The following PPFIA2 variants were observed in gnomAD, a reference collection of about 807,000 sequenced individuals.
PPFIA2 encodes PPFI scaffold protein A2, also known as liprin-alpha-2.
In PPFIA2, 46 loss-of-function variants were observed where a neutral mutation model predicts 175.5. The observed-to-expected ratio is 0.26, with a 90% confidence interval of 0.21 to 0.34. The LOEUF is 0.34. PPFIA2 is among the 10% of genes least tolerant of loss of function. PPFIA2 has a pLI of 1.00. For missense variants in PPFIA2, 1,179 were observed against 1,506.1 expected (o/e 0.78, Z 3.60); for synonymous variants, 568 against 511.4 (o/e 1.11, Z -1.49).
chr12:81,392,360 G>T (rs2142288878), intron 8 of PPFIA2, among the ~76,000 whole-genome samples: 1 of 151,904 alleles, frequency 6.6e-6, no homozygotes, highest in South Asian at 2.1e-4. Context: ...AACAATGTTT[G>T]AAATGACTAA....
At position 81,344,702 on chromosome 12, in the gene PPFIA2, G is replaced by T; in HGVS notation, c.2233-9C>A. ...TTCCTCAGATCACTTGGCTGTGATT[G>T]GCAGTAATAAAAACATAAAACACAA... On this transcript the variant is annotated splice_polypyrimidine_tract_variant and intron_variant, in intron 18 of 32. Coordinates refer to ENST00000549396, the MANE Select transcript of PPFIA2 (RefSeq NM_003625.5). 6.5e-7 allele frequency: 1 copy of T among 1,544,640 alleles called. No homozygotes were observed. Among genetic ancestry groups the T allele is most frequent in the Non-Finnish European group, 8.8e-7 (1 of 1,137,996 alleles).
At chr12:81,573,878 C>T (rs897483460) in intron 4 of PPFIA2, among the ~76,000 whole-genome samples, 1 of 151,848 alleles carries the variant, frequency 6.6e-6, no homozygotes, top group African/African-American at 2.4e-5. Flanking sequence ...TTCTTTGTAA[C>T]CTAAAAACAG....
intron 7 of PPFIA2, among the ~76,000 whole-genome samples, chr12:81,435,483 T>C (rs1014762050): frequency 6.6e-6 from 1 of 151,810 alleles, no homozygotes; most frequent in African/African-American, 2.4e-5. Context: ...GAGCGATCAA[T>C]GAAAGAGATT....
At chr12:81,349,192 T>C (rs1037878893) in intron 17 of PPFIA2, among the ~76,000 whole-genome samples, 1 of 152,196 alleles carries the variant, frequency 6.6e-6, no homozygotes, top group Non-Finnish European at 1.5e-5. Flanking sequence ...CTTTCAGTTT[T>C]TAAGTAGTAT....
intron 9 of PPFIA2, among the ~76,000 whole-genome samples, chr12:81,380,356 T>C (rs139171135): frequency 1.3e-5 from 2 of 152,210 alleles, no homozygotes; most frequent in African/African-American, 4.8e-5. Context: ...AGAGCAAGAC[T>C]CTTTCTCTAA....
chr12:81,424,559 TCTG>T (rs2046823218), intron 7 of PPFIA2, among the ~76,000 whole-genome samples: 1 of 152,160 alleles, frequency 6.6e-6, no homozygotes, highest in Non-Finnish European at 1.5e-5. Flanking sequence ...TGTTCTAGAG[TCTG>T]CTTTTTGTAC....
intron 8 of PPFIA2, among the ~76,000 whole-genome samples, chr12:81,399,297 A>G (rs1187816191): frequency 6.7e-6 from 1 of 149,288 alleles, no homozygotes; most frequent in Non-Finnish European, 1.5e-5. Flanking sequence ...TCACAAAAAA[A>G]AAAAAAAAAA....
chr12:81,694,878 C>T (rs1312333081), intron 3 of PPFIA2, among the ~76,000 whole-genome samples: 2 of 152,256 alleles, frequency 1.3e-5, no homozygotes, highest in African/African-American at 4.8e-5. Context: ...CCCCTTGCAC[C>T]AGTTTGCCCT....
Position 81,754,112 on chromosome 12 carries a change from T to C in PPFIA2, c.110A>G (p.Asn37Ser), listed in dbSNP as rs777090287. The change falls in exon 3 of 33, where the codon AAT (asparagine) becomes AGT (serine). Residue 37 changes from asparagine to serine, a missense_variant. Asn to Ser is a conservative substitution (Grantham distance 46). This residue lies in a region of PPFIA2 where 128 missense variants were observed against 141.4 expected (regional missense o/e 0.91). Transcript: ENST00000549396. Reference sequence around the variant, plus strand: ...AAGACGATCCCTTTCATCTAGCATATTCACCATCAGCTGCTCAAAATGGGA... The same window carrying C: ...AAGACGATCCCTTTCATCTAGCATACTCACCATCAGCTGCTCAAAATGGGA... ...SDSHFEQLMV[N>S]MLDERDRLLD... 1 of 1,613,896 alleles carries C rather than the reference T, an allele frequency of 6.2e-7. No individual in the cohort carries two copies. Among genetic ancestry groups the C allele is most frequent in the Non-Finnish European group, 8.5e-7 (1 of 1,179,860 alleles).
rs2136145940 is a variant in PPFIA2 at position 81,263,301 on chromosome 12, G to A, written c.3645C>T (p.Ser1215=). The change falls in exon 31 of 33, where the codon TCC becomes TCT. Residue 1215 remains serine (S), a synonymous_variant. Coordinates refer to ENST00000549396, the MANE Select transcript of PPFIA2 (RefSeq NM_003625.5). ...EVHGISMMPG[S]SETLPAGFRL... ...TAAATCCAGCTGGTAATGTTTCTGA[G>A]GACCCAGGCATCATGCTGATTCCAT... 1 of 1,612,524 alleles carries A rather than the reference G, an allele frequency of 6.2e-7. No homozygotes were observed. Among genetic ancestry groups the A allele is most frequent in the Non-Finnish European group, 8.5e-7 (1 of 1,178,810 alleles).
intron 21 of PPFIA2, 146 bp downstream of exon 21, chr12:81,339,034 T>C: frequency 1.3e-6 from 1 of 758,454 alleles, no homozygotes; most frequent in East Asian, 2.9e-5. Context: ...AAATTGAACA[T>C]TTAAAGCTAA....
intron 4 of PPFIA2, among the ~76,000 whole-genome samples, chr12:81,588,900 C>A (rs1264585543): frequency 6.6e-6 from 1 of 151,932 alleles, no homozygotes; most frequent in Non-Finnish European, 1.5e-5. Flanking sequence ...CATTTACATA[C>A]TTCCAATTTC....
intron 7 of PPFIA2, among the ~76,000 whole-genome samples, chr12:81,438,414 G>A (rs1040188136): frequency 1.3e-5 from 2 of 152,202 alleles, no homozygotes; most frequent in African/African-American, 4.8e-5. Context: ...AGAGGTTGGA[G>A]TGAGCCAAGA....
chr12:81,579,491 T>C lies in PPFIA2; in HGVS notation c.303+97300A>G, dbSNP rs1348896631. Among the ~76,000 whole-genome samples the C allele has an allele frequency of 2.0e-5, 3 of 151,846 alleles. No homozygotes were observed. The Admixed American group carries it at 2.0e-4, about 10-fold the overall frequency. ...TATTAAGTCTAAGTCTGGAAATTCC[T>C]GGACAAACATATGCCCTAAAGGAGG... On this transcript the variant is annotated intron_variant, in intron 4 of 32. Transcript: ENST00000549396.
intron 4 of PPFIA2, among the ~76,000 whole-genome samples, chr12:81,631,040 G>A (rs7304094): frequency 0.46 from 68,865 of 151,332 alleles, 16,834 homozygotes; most frequent in Middle Eastern, 0.59. Context: ...GACTACAGGC[G>A]CTCGCTACCA....
At chr12:81,390,672 T>C (rs1205346128) in intron 8 of PPFIA2, among the ~76,000 whole-genome samples, 1 of 152,008 alleles carries the variant, frequency 6.6e-6, no homozygotes, top group African/African-American at 2.4e-5. Flanking sequence ...ATATTTTGAT[T>C]CAAGTATTTT....
At chr12:81,290,061 GAATA>G (rs754781704) in intron 24 of PPFIA2, among the ~76,000 whole-genome samples, 3 of 151,452 alleles carry the variant, frequency 2.0e-5, no homozygotes, top group Non-Finnish European at 4.4e-5. Flanking sequence ...TAAAGTAGTA[GAATA>G]AATAAATAAA....
intron 3 of PPFIA2, among the ~76,000 whole-genome samples, chr12:81,741,748 C>G (rs1322634818): frequency 1.3e-5 from 2 of 151,670 alleles, no homozygotes; most frequent in Non-Finnish European, 2.9e-5. Flanking sequence ...ATTGGACACC[C>G]CTGCCTGACC....
intron 3 of PPFIA2, among the ~76,000 whole-genome samples, chr12:81,729,903 G>T (rs971358158): frequency 1.3e-5 from 2 of 151,490 alleles, no homozygotes; most frequent in African/African-American, 4.8e-5. Flanking sequence ...TTCCACAACC[G>T]CAAGGATTGA....
Sources: gnomAD v4.1 joint callset for allele counts (sites outside exome capture counted in the v4.1 genomes callset) on GRCh38, gnomAD v4.1.1 for gene constraint, gnomAD v4.1.1 regional missense constraint, MANE v1.5 for transcripts, NCBI Gene and HGNC (gene_info 2026-07-23, HGNC 2026-07-21) for gene names.